Variants in DAB1 observed in about 807,000 individuals in gnomAD.
DAB1 encodes the protein disabled homolog 1.
Under a neutral mutation model 64.6 loss-of-function variants are expected in DAB1, and 15 were observed. The ratio of observed to expected loss-of-function variants is 0.23; its 90% confidence interval spans 0.16 to 0.36. The LOEUF (loss-of-function observed/expected upper bound fraction) is 0.36, where lower values mean the gene tolerates loss of function less well. Among genes scored for constraint, DAB1 ranks in the 10% least tolerant of loss-of-function variants. DAB1 has a pLI of 1.00. For synonymous variants in DAB1, 235 were observed against 251.9 expected, an observed-to-expected ratio of 0.93 and a Z score of 0.64; for missense variants, 596 against 706.7, an observed-to-expected ratio of 0.84 and a Z score of 1.78.
At chr1:57,713,320 C>T (rs567243948) in intron 6 of DAB1, among the ~76,000 whole-genome samples, 4 of 152,202 alleles carry the variant, frequency 2.6e-5, no homozygotes, top group African/African-American at 7.2e-5. Context: ...TGCAACAATA[C>T]CTTGGGGACC....
chr1:57,041,913 C>T (rs1647837632), intron 9 of DAB1, among the ~76,000 whole-genome samples: 1 of 152,166 alleles, frequency 6.6e-6, no homozygotes, highest in African/African-American at 2.4e-5. Context: ...TTCTCAAAAA[C>T]ATGATAATAA....
At chr1:58,301,628 C>G (rs989542131) in intron 4 of DAB1, among the ~76,000 whole-genome samples, 2 of 152,112 alleles carry the variant, frequency 1.3e-5, no homozygotes, top group African/African-American at 4.8e-5. Context: ...TTTCCCTCCT[C>G]TCAGTATCTT....
In DAB1 at chr1:57,391,802, CACACACACACAG is replaced by C. The variant is rs1390339949; in HGVS notation, c.-137+32116_-137+32127del. On this transcript the variant is annotated intron_variant, in intron 1 of 14. Coordinates refer to ENST00000371236, the MANE Select transcript of DAB1 (RefSeq NM_001365792.1). ...ACACACACACACACACACACACACA[CACACACACACAG>C]AGAGAGGAGAGAGAGAGAAGAGGGA... Among the ~76,000 whole-genome samples, 732 of 141,740 alleles carry C rather than the reference CACACACACACAG, an allele frequency of 5.2e-3. 4 individuals are homozygous for C. Among genetic ancestry groups the C allele is most frequent in the African/African-American group, 0.018 (691 of 37,978 alleles). The allele number at this position is 141,740 out of a possible 152,430, so 93.0% of individuals were successfully genotyped here. A position where few individuals can be genotyped will look rare whatever the true frequency, so the allele number is the denominator to read the frequency against.
In DAB1 at chr1:57,136,562, A is replaced by G; in HGVS notation, c.287T>C (p.Ile96Thr). Residue 96 changes from isoleucine to threonine, a missense_variant, in exon 4 of 15, where the codon ATC (isoleucine) becomes ACC (threonine). By Grantham distance (89) the Ile-to-Thr change is moderately conservative (BLOSUM62 -1). Transcript: ENST00000371236. Reference protein sequence around the residue: ...FLTISFGGIKIFDEKTGALQH... With the variant: ...FLTISFGGIKTFDEKTGALQH... ...ACTTACCCCTGTCTTCTCATCAAAG[A>G]TTTTGATTCCTCCAAAGGAGATGGT... The G allele has an allele frequency of 6.7e-7, 1 of 1,503,566 alleles. No individual in the cohort carries two copies. The highest frequency in any genetic ancestry group is 9.0e-7 in the Non-Finnish European group (1 of 1,107,300). The allele number at this position is 1,503,566 out of a possible 1,614,324, so 93.1% of individuals were successfully genotyped here.
intron 3 of DAB1, among the ~76,000 whole-genome samples, chr1:58,479,828 C>T (rs1367205924): frequency 6.6e-6 from 1 of 152,100 alleles, no homozygotes; most frequent in African/African-American, 2.4e-5. Context: ...TATTATGTAA[C>T]TTCTCGAAGC....
intron 9 of DAB1, among the ~76,000 whole-genome samples, chr1:57,047,102 G>A (rs1031114335): frequency 6.6e-6 from 1 of 152,240 alleles, no homozygotes; most frequent in Non-Finnish European, 1.5e-5. Flanking sequence ...GGGTCAAAGA[G>A]AGGTGGATTA....
intron 4 of DAB1, among the ~76,000 whole-genome samples, chr1:58,171,398 C>T (rs190031773): frequency 7.2e-5 from 11 of 152,336 alleles, no homozygotes; most frequent in Admixed American, 3.9e-4. Flanking sequence ...ATGCAGCAGT[C>T]CCTGCAACAC....
At chr1:58,144,358 T>G (rs1654473019) in intron 5 of DAB1, among the ~76,000 whole-genome samples, 2 of 152,242 alleles carry the variant, frequency 1.3e-5, no homozygotes, top group Admixed American at 1.3e-4. Flanking sequence ...TCTTTCTTAC[T>G]TCAAAATAAC....
chr1:58,347,120 G>A (rs1168738047), intron 3 of DAB1, among the ~76,000 whole-genome samples: 1 of 151,904 alleles, frequency 6.6e-6, no homozygotes, highest in Non-Finnish European at 1.5e-5. Flanking sequence ...TTGTTTGTTT[G>A]TTTTGAGACA....
chr1:57,433,167 C>T (rs1489519668), intron 7 of DAB1, among the ~76,000 whole-genome samples: 1 of 152,016 alleles, frequency 6.6e-6, no homozygotes, highest in Non-Finnish European at 1.5e-5. Flanking sequence ...AGCACAATCC[C>T]AATAAAATTC....
At chr1:58,254,331 C>T (rs911716532) in intron 4 of DAB1, among the ~76,000 whole-genome samples, 3 of 152,108 alleles carry the variant, frequency 2.0e-5, no homozygotes, top group Admixed American at 6.5e-5. Context: ...ACCCCACCCA[C>T]CTCCTTTGAG....
At chr1:57,946,784 GTCATGC>G (rs1645190590) in intron 5 of DAB1, among the ~76,000 whole-genome samples, 1 of 152,132 alleles carries the variant, frequency 6.6e-6, no homozygotes, top group African/African-American at 2.4e-5. Flanking sequence ...GTTATTCTAA[GTCATGC>G]TCATGCCTTT....
At chr1:58,017,851 G>A (rs771050249) in intron 5 of DAB1, among the ~76,000 whole-genome samples, 2 of 152,188 alleles carry the variant, frequency 1.3e-5, no homozygotes, top group Non-Finnish European at 2.9e-5. Flanking sequence ...GGGGCTGGAA[G>A]ACAAAGGTTT....
At chr1:57,408,157 C>T (rs1315150880) in intron 1 of DAB1, among the ~76,000 whole-genome samples, 1 of 152,146 alleles carries the variant, frequency 6.6e-6, no homozygotes. Flanking sequence ...TTTACACAAG[C>T]GCTGCTGAGA....
At chr1:57,128,510 G>A (rs1172620846) in intron 4 of DAB1, among the ~76,000 whole-genome samples, 1 of 152,164 alleles carries the variant, frequency 6.6e-6, no homozygotes, top group Non-Finnish European at 1.5e-5. Context: ...TGATGCCACA[G>A]TGACAAAATT....
chr1:57,287,036 G>A (rs928777621), intron 2 of DAB1, among the ~76,000 whole-genome samples: 5 of 152,110 alleles, frequency 3.3e-5, no homozygotes, highest in Admixed American at 1.3e-4. Context: ...ACACTTCCTA[G>A]AAAATAATAC....
chr1:57,191,953 C>G (rs1664162415), intron 2 of DAB1, among the ~76,000 whole-genome samples: 1 of 152,126 alleles, frequency 6.6e-6, no homozygotes, highest in Non-Finnish European at 1.5e-5. Flanking sequence ...ATAACAGCAG[C>G]ATGGCACGAG....
At chr1:58,409,661 G>A (rs1644648400) in intron 3 of DAB1, among the ~76,000 whole-genome samples, 1 of 152,156 alleles carries the variant, frequency 6.6e-6, no homozygotes. Context: ...ACGTGGACTT[G>A]GGACCATCCT....
At chr1:58,538,663 G>A in intron 1 of DAB1, 1 of 503,808 alleles carries the variant, frequency 2.0e-6, no homozygotes, top group Non-Finnish European at 3.5e-6. Flanking sequence ...GGGAGACAGG[G>A]GATCTGGCAA....
Sources: allele counts gnomAD v4.1 joint callset (sites outside exome capture counted in the v4.1 genomes callset), GRCh38; gene constraint gnomAD v4.1.1; transcripts MANE v1.5; gene names NCBI Gene and HGNC (gene_info 2026-07-23, HGNC 2026-07-21).